Variants in ADGRV1 observed in about 807,000 individuals in gnomAD.
ADGRV1 encodes the protein adhesion G protein-coupled receptor V1, also known as G-protein coupled receptor 98.
Under a neutral mutation model 596.2 loss-of-function variants are expected in ADGRV1, and 359 were observed. The ratio of observed to expected loss-of-function variants is 0.60; its 90% CI spans 0.55 to 0.66. The LOEUF is 0.66. Among genes scored for constraint, ADGRV1 ranks in the 30% least tolerant of loss-of-function variants. The pLI, the probability that ADGRV1 is intolerant of heterozygous loss-of-function variation, is 0.00. For synonymous variants in ADGRV1, 2,681 were observed against 2,679.2 expected, an observed-to-expected ratio of 1.00 and a Z score of -0.02; for missense variants, 7,274 against 7,575.6, an observed-to-expected ratio of 0.96 and a Z score of 1.48.
chr5:90,573,091 G>A (rs1306201042), intron 1 of ADGRV1, among the ~76,000 whole-genome samples: 2 of 149,486 alleles, frequency 1.3e-5, no homozygotes, highest in Non-Finnish European at 3.0e-5. Context: ...CAGATTGTGA[G>A]GAAACACAAT....
chr5:90,853,982 G>A (rs1766782262), intron 80 of ADGRV1, 80 bp from the exon 81 acceptor site: 2 of 1,007,220 alleles, frequency 2.0e-6, no homozygotes, highest in Non-Finnish European at 3.0e-6. Context: ...CTAGAAAAAT[G>A]AAGTCAAGTT....
At chr5:90,606,923 A>G (rs1762173784) in intron 1 of ADGRV1, among the ~76,000 whole-genome samples, 1 of 152,200 alleles carries the variant, frequency 6.6e-6, no homozygotes, top group Non-Finnish European at 1.5e-5. Context: ...CTCCAGTAAC[A>G]TCTTGAGAAA....
chr5:90,807,540 G>T, intron 72 of ADGRV1, 62 bp from the exon 73 acceptor site: 1 of 1,485,372 alleles, frequency 6.7e-7, no homozygotes. Context: ...AGTTTTAAAA[G>T]TCAAATCCCA....
intron 75 of ADGRV1, among the ~76,000 whole-genome samples, chr5:90,821,601 A>G (rs1763515262): frequency 6.6e-6 from 1 of 150,826 alleles, no homozygotes; most frequent in African/African-American, 2.4e-5. Context: ...TTTGGTGTGG[A>G]TGTCCTTTCT....
intron 1 of ADGRV1, among the ~76,000 whole-genome samples, chr5:90,575,028 TTCAAAGA>T: frequency 6.6e-6 from 1 of 152,262 alleles, no homozygotes; most frequent in South Asian, 2.1e-4. Context: ...TTTATTTTTT[TTCAAAGA>T]TCCAATTTTT....
At position 91,098,592 on chromosome 5, in the gene ADGRV1, A is replaced by T. The variant is rs750718746; in HGVS notation, c.18311-3627A>T. ...TGTACTTCTGGAAGGCAAGCCTGGG[A>T]TCTATTAAGTATGCTGAGTTATTTA... is the stretch of plus-strand genomic sequence containing the variant. On this transcript the variant is annotated intron_variant, in intron 86 of 89. Transcript: ENST00000405460. Among the ~76,000 whole-genome samples the T allele has an allele frequency of 3.7e-4, 56 of 152,200 alleles. 1 individual carries two copies. The highest frequency in any genetic ancestry group is 7.5e-4 in the Non-Finnish European group (51 of 68,040).
At chr5:90,728,624 A>G (rs758015289) in intron 48 of ADGRV1, 45 bp from the exon 49 acceptor site, 2 of 1,533,506 alleles carry the variant, frequency 1.3e-6, no homozygotes, top group Non-Finnish European at 1.8e-6. Flanking sequence ...TGCAAGTGCT[A>G]AATTCCTAGT....
chr5:90,800,401 G>A (rs1042864149), intron 70 of ADGRV1, among the ~76,000 whole-genome samples: 10 of 151,968 alleles, frequency 6.6e-5, no homozygotes, highest in Non-Finnish European at 1.2e-4. Context: ...TTAGAATGGC[G>A]ATCATTAAAA....
chr5:90,841,052 C>T, intron 78 of ADGRV1, 67 bp downstream of exon 78: 1 of 1,060,652 alleles, frequency 9.4e-7, no homozygotes, highest in Non-Finnish European at 1.3e-6. Context: ...CCAAGTAAAA[C>T]CAAAATCACA....
At chr5:90,671,321 G>A (rs561120060) in intron 21 of ADGRV1, among the ~76,000 whole-genome samples, 31 of 152,298 alleles carry the variant, frequency 2.0e-4, no homozygotes, top group Admixed American at 5.9e-4. Flanking sequence ...TCTGGTTCTG[G>A]CAGTGGGGCT....
chr5:91,035,846 A>ATG (rs1784817005), intron 85 of ADGRV1, among the ~76,000 whole-genome samples: 1 of 39,832 alleles, frequency 2.5e-5, no homozygotes, highest in Non-Finnish European at 6.5e-5. Context: ...ATGAGTGTGT[A>ATG]TATATATATA....
chr5:90,573,528 G>A (rs1022940429), intron 1 of ADGRV1, among the ~76,000 whole-genome samples: 2 of 151,860 alleles, frequency 1.3e-5, no homozygotes, highest in Non-Finnish European at 2.9e-5. Context: ...GTAAGAATTT[G>A]TGTATCTACA....
At chr5:91,103,456 G>A (rs531585727) in intron 87 of ADGRV1, among the ~76,000 whole-genome samples, 4 of 150,938 alleles carry the variant, frequency 2.7e-5, no homozygotes, top group African/African-American at 9.8e-5. Flanking sequence ...TTTTGAGAGT[G>A]AGTAGGGGCC....
chr5:91,111,880 C>T (rs1214247095), intron 87 of ADGRV1, among the ~76,000 whole-genome samples: 2 of 152,142 alleles, frequency 1.3e-5, no homozygotes, highest in South Asian at 4.1e-4. Flanking sequence ...ATGCCTCATG[C>T]ACCTTTCAAA....
rs1773858601 is a variant in ADGRV1, at chr5:90,921,352, T to C, written c.17857-44063T>C. On this transcript the variant is annotated intron_variant, in intron 83 of 89. Coordinates refer to ENST00000405460, the MANE Select transcript of ADGRV1 (RefSeq NM_032119.4). ...TTATTTATTTATTGCTTTTGGTTTC[T>C]GGGGGTCTTGTAATTGACTGCCTTC... 2.0e-5 allele frequency among the ~76,000 whole-genome samples: 3 copies of C among 152,188 alleles called. No homozygotes were observed. The South Asian group carries it at 6.2e-4, about 31-fold the overall frequency.
chr5:91,133,932 A>T (rs898781213), intron 87 of ADGRV1, among the ~76,000 whole-genome samples: 19 of 151,422 alleles, frequency 1.3e-4, no homozygotes, highest in South Asian at 4.2e-4. Flanking sequence ...CTATGCTTTT[A>T]AAAAAAAAGG....
At chr5:90,737,194 A>G (rs1240918627) in intron 50 of ADGRV1, among the ~76,000 whole-genome samples, 1 of 151,606 alleles carries the variant, frequency 6.6e-6, no homozygotes, top group East Asian at 1.9e-4. Context: ...TCTGCAAGTC[A>G]TTTATTGTTT....
chr5:91,023,795 A>G (rs1271697497), intron 85 of ADGRV1, among the ~76,000 whole-genome samples: 3 of 152,128 alleles, frequency 2.0e-5, no homozygotes, highest in East Asian at 1.9e-4. Flanking sequence ...GAGATAGATG[A>G]AAAACAGGGA....
intron 86 of ADGRV1, among the ~76,000 whole-genome samples, chr5:91,074,673 C>T (rs1329931464): frequency 6.6e-6 from 1 of 152,134 alleles, no homozygotes; most frequent in Non-Finnish European, 1.5e-5. Context: ...AATTTCTATT[C>T]CTTTGGGTAC....
Sources: gnomAD v4.1 joint callset for allele counts (sites outside exome capture counted in the v4.1 genomes callset) on GRCh38, gnomAD v4.1.1 for gene constraint, MANE v1.5 for transcripts, NCBI Gene and HGNC (gene_info 2026-07-23, HGNC 2026-07-21) for gene names.